SYNE1: variants seen among roughly 807,000 people sequenced by gnomAD.
The protein encoded by SYNE1 is spectrin repeat containing nuclear envelope protein 1, also known as nesprin-1.
A neutral mutation model predicts 1,111.0 loss-of-function variants in SYNE1; 616 were observed. The observed-to-expected ratio is 0.55, with a 90% CI of 0.52 to 0.59. The LOEUF (loss-of-function observed/expected upper bound fraction) is 0.59. SYNE1 is among the 20% of genes least tolerant of loss of function. SYNE1 has a pLI of 0.00. For missense variants in SYNE1, 10,006 were observed against 10,417.0 expected (o/e 0.96, Z 1.72); for synonymous variants, 3,855 against 3,825.8 (o/e 1.01, Z -0.28).
intron 76 of SYNE1, 118 bp from the exon 77 acceptor site, chr6:152,334,391 T>G: frequency 8.9e-7 from 1 of 1,125,484 alleles, no homozygotes; most frequent in Non-Finnish European, 1.3e-6. Flanking sequence ...TGAAAAAAAC[T>G]GAAGAATGTA....
At position 152,369,283 on chromosome 6, in the gene SYNE1, A is replaced by T; in HGVS notation, c.9652-156T>A. The T allele has an allele frequency of 2.2e-6, 3 of 1,345,592 alleles. No homozygotes were observed. The highest frequency in any genetic ancestry group is 1.3e-5 in the South Asian group (1 of 79,024). The allele number at this position is 1,345,592 out of a possible 1,614,324, so 83.4% of individuals were successfully genotyped here. A position where few individuals can be genotyped will look rare whatever the true frequency, so the allele number is the denominator to read the frequency against. ...ATCTACACACCGTGGAGCACAAATC[A>T]TGGAAGGAAACAAATCATACTTCCA... On this transcript the variant is annotated intron_variant, in intron 60 of 145. Transcript: ENST00000367255.
chr6:152,291,627 T>C (rs1425617708), intron 95 of SYNE1, among the ~76,000 whole-genome samples: 1 of 152,182 alleles, frequency 6.6e-6, no homozygotes. Context: ...CATTTTCATG[T>C]ACGAACTCTG....
Position 152,485,980 on chromosome 6 carries a change from A to G in SYNE1, c.1048-1008T>C, listed in dbSNP as rs1030074643. 7.2e-5 allele frequency among the ~76,000 whole-genome samples: 11 copies of G among 152,274 alleles called. No homozygotes were observed. In the East Asian group the frequency reaches 1.9e-3, roughly 27 times the overall value. On this transcript the variant is annotated intron_variant, in intron 12 of 145. Coordinates refer to ENST00000367255, the MANE Select transcript of SYNE1 (RefSeq NM_182961.4). ...TGGAGATCGAGGCGGGCGGATCATGAGGTCAAGAGATTGAGATCATCCTGG... is the reference window on the plus strand; with the variant it reads ...TGGAGATCGAGGCGGGCGGATCATGGGGTCAAGAGATTGAGATCATCCTGG...
At chr6:152,278,514 G>C (rs779872306) in intron 97 of SYNE1, among the ~76,000 whole-genome samples, 1 of 152,070 alleles carries the variant, frequency 6.6e-6, no homozygotes, top group Non-Finnish European at 1.5e-5. Context: ...CCAGGCTGGA[G>C]TTTAGTGGAG....
At chr6:152,418,195 C>T (rs1671843478) in intron 40 of SYNE1, among the ~76,000 whole-genome samples, 1 of 152,086 alleles carries the variant, frequency 6.6e-6, no homozygotes, top group African/African-American at 2.4e-5. Flanking sequence ...ATTCTCTGCC[C>T]CTTTGAGATG....
At position 152,239,609 on chromosome 6, in the gene SYNE1, G is replaced by A. The variant is rs35079654; in HGVS notation, c.19991C>T (p.Thr6664Ile). 6.2e-4 allele frequency: 996 copies of A among 1,614,198 alleles called. 1 individual carries two copies. In the African/African-American group the frequency reaches 0.011, roughly 17 times the overall value. The change falls in exon 108 of 146, where the codon ACA becomes ATA. Residue 6664 changes from threonine (T) to isoleucine (I), a missense_variant. By Grantham distance (89) the Thr-to-Ile change is moderately conservative. This residue lies in a region of SYNE1 where 2,182 missense variants were observed against 2,287.8 expected (regional missense o/e 0.95). Transcript: ENST00000367255. ...FAVQKETQFH[T>I]ELMAQASAVL... Reference sequence around the variant, plus strand: ...AGCAGAAGCCTGAGCCATCAGCTCTGTATGGAACTGGGTTTCCTTTTGGAC... The same window carrying A: ...AGCAGAAGCCTGAGCCATCAGCTCTATATGGAACTGGGTTTCCTTTTGGAC...
At chr6:152,261,265 T>C (rs2091952034) in intron 101 of SYNE1, among the ~76,000 whole-genome samples, 1 of 152,208 alleles carries the variant, frequency 6.6e-6, no homozygotes, top group South Asian at 2.1e-4. Flanking sequence ...GTCTTGTATC[T>C]GAAGAATTCC....
At chr6:152,508,302 T>C (rs1407735234) in intron 8 of SYNE1, among the ~76,000 whole-genome samples, 1 of 152,212 alleles carries the variant, frequency 6.6e-6, no homozygotes, top group Non-Finnish European at 1.5e-5. Context: ...TTTTATTGCT[T>C]GCTCACGGGT....
rs1292498525 is a variant in SYNE1, at chr6:152,461,898, T to G, written c.2251-158A>C. The stretch of plus-strand genomic sequence containing the variant: ...TCCAGTTTTTGCTTCCCTTCATTAC[T>G]AATAAATATTGGTAATATTATATAG... On this transcript the variant is annotated intron_variant, in intron 20 of 145. Coordinates refer to ENST00000367255, the MANE Select transcript of SYNE1 (RefSeq NM_182961.4). 2.6e-5 allele frequency among the ~76,000 whole-genome samples: 4 copies of G among 152,170 alleles called. No homozygotes were observed. In the East Asian group the frequency reaches 7.7e-4, roughly 29 times the overall value.
At chr6:152,361,768 A>G (rs1402391649) in intron 64 of SYNE1, among the ~76,000 whole-genome samples, 1 of 152,114 alleles carries the variant, frequency 6.6e-6, no homozygotes, top group Non-Finnish European at 1.5e-5. Context: ...TATTTATTTA[A>G]AAAAATCTTT....
At chr6:152,194,052 A>C (rs1280574511) in intron 127 of SYNE1, among the ~76,000 whole-genome samples, 4 of 151,520 alleles carry the variant, frequency 2.6e-5, no homozygotes, top group Non-Finnish European at 5.9e-5. Flanking sequence ...ACACAATTGC[A>C]ATGTTATAAT....
chr6:152,269,645 A>AC, intron 98 of SYNE1, among the ~76,000 whole-genome samples: 1 of 152,242 alleles, frequency 6.6e-6, no homozygotes, highest in African/African-American at 2.4e-5. Flanking sequence ...ACAAAGGTAA[A>AC]CTGTTTCTCA....
chr6:152,590,582 A>G (rs1340742809), intron 3 of SYNE1, among the ~76,000 whole-genome samples: 1 of 152,156 alleles, frequency 6.6e-6, no homozygotes, highest in Non-Finnish European at 1.5e-5. Context: ...CTTGTTGCCA[A>G]GTGCAAAATA....
At chr6:152,533,811 C>T (rs2099217998) in intron 4 of SYNE1, among the ~76,000 whole-genome samples, 1 of 152,054 alleles carries the variant, frequency 6.6e-6, no homozygotes, top group South Asian at 2.1e-4. Flanking sequence ...AGAATATTCT[C>T]TAGCTTATTA....
chr6:152,217,814 A>G (rs756143974), intron 121 of SYNE1, among the ~76,000 whole-genome samples: 1 of 152,134 alleles, frequency 6.6e-6, no homozygotes, highest in Non-Finnish European at 1.5e-5. Flanking sequence ...GAGCTGGGAA[A>G]TCAGCCTGTG....
At position 152,619,342 on chromosome 6, in the gene SYNE1, A is replaced by G. The variant is rs141118912; in HGVS notation, c.67+8923T>C. Among the ~76,000 whole-genome samples, 279 of 152,284 alleles carry G rather than the reference A, an allele frequency of 1.8e-3. 11 individuals carry two copies. In the East Asian group the frequency reaches 0.043, roughly 24 times the overall value. ...TCTGATCCAACATAAACAGGGTCAC[A>G]CAGCCACCAGCACAGTGGCTAACAG... On this transcript the variant is annotated intron_variant, in intron 3 of 145. Transcript: ENST00000367255.
At chr6:152,430,441 G>C (rs772489721) in intron 35 of SYNE1, 41 bp downstream of exon 35, 1 of 1,540,410 alleles carries the variant, frequency 6.5e-7, no homozygotes, top group Non-Finnish European at 9.0e-7. Flanking sequence ...CAAATACAAT[G>C]TGAAATATGT....
intron 78 of SYNE1, among the ~76,000 whole-genome samples, chr6:152,327,309 A>G (rs896655486): frequency 2.7e-5 from 4 of 150,834 alleles, no homozygotes; most frequent in African/African-American, 1.0e-4. Context: ...GGAAAGGAAA[A>G]GAAAAGAAAA....
chr6:152,131,777 C>T (rs957882181), intron 144 of SYNE1, among the ~76,000 whole-genome samples: 3 of 152,176 alleles, frequency 2.0e-5, no homozygotes, highest in African/African-American at 7.2e-5. Flanking sequence ...TGGAGGCCTA[C>T]CTTTTAAGAT....
Sources: allele counts gnomAD v4.1 joint callset (sites outside exome capture counted in the v4.1 genomes callset), GRCh38; gene constraint gnomAD v4.1.1; regional missense constraint gnomAD v4.1.1; transcripts MANE v1.5; gene names NCBI Gene and HGNC (gene_info 2026-07-23, HGNC 2026-07-21).